The following SGPP2 variants were observed in gnomAD, a reference collection of about 807,000 sequenced individuals.
The protein encoded by SGPP2 is sphingosine-1-phosphate phosphatase 2, also known as sphingosine 1-phosphate phosphohydrolase 2.
A neutral mutation model predicts 33.9 loss-of-function variants in SGPP2; 30 were observed. That is an observed-to-expected ratio of 0.89 (90% CI 0.66 to 1.20). The LOEUF is 1.20. Ranked by LOEUF, SGPP2 falls within the 50% of genes most tolerant of loss-of-function variation. SGPP2 has a pLI of 0.00. For missense variants in SGPP2, 458 were observed against 532.1 expected (o/e 0.86, Z 1.37); for synonymous variants, 233 against 225.0 (o/e 1.04, Z -0.32).
At position 222,495,857 on chromosome 2, in the gene SGPP2, C is replaced by A. The variant is rs150927289; in HGVS notation, c.378+21131C>A. Among the ~76,000 whole-genome samples, 29 of 152,306 alleles carry A rather than the reference C, an allele frequency of 1.9e-4. No homozygotes were observed. The East Asian group carries it at 4.8e-3, about 25-fold the overall frequency. ...AATTAAGTTTCTCTCCATCTATAGA[C>A]CCCTGAACTTTGACCCACCCTTACC... is the stretch of plus-strand genomic sequence containing the variant. On this transcript the variant is annotated intron_variant, in intron 2 of 4. Coordinates refer to ENST00000321276, the MANE Select transcript of SGPP2 (RefSeq NM_152386.4).
At chr2:222,543,994 T>A (rs1689134582) in intron 4 of SGPP2, among the ~76,000 whole-genome samples, 1 of 152,234 alleles carries the variant, frequency 6.6e-6, no homozygotes, top group Non-Finnish European at 1.5e-5. Flanking sequence ...GTCTTTAGTT[T>A]ATCTTATTAA....
At chr2:222,524,883 C>G in intron 3 of SGPP2, 61 bp from the exon 4 acceptor site, 1 of 1,295,996 alleles carries the variant, frequency 7.7e-7, no homozygotes, top group Non-Finnish European at 1.1e-6. Flanking sequence ...CCACCTATGA[C>G]ATCAAATCAT....
At chr2:222,522,722 G>C (rs1698705319) in intron 3 of SGPP2, among the ~76,000 whole-genome samples, 1 of 152,020 alleles carries the variant, frequency 6.6e-6, no homozygotes, top group Admixed American at 6.6e-5. Flanking sequence ...TCTGTTGCTG[G>C]GGCTGGAGTG....
chr2:222,497,424 T>G (rs1375072487), intron 2 of SGPP2, among the ~76,000 whole-genome samples: 1 of 151,986 alleles, frequency 6.6e-6, no homozygotes, highest in South Asian at 2.1e-4. Flanking sequence ...TTTTTGTATT[T>G]TTAGTAGAGA....
At chr2:222,501,224 T>A (rs1407863254) in intron 2 of SGPP2, among the ~76,000 whole-genome samples, 1 of 152,180 alleles carries the variant, frequency 6.6e-6, no homozygotes. Context: ...TAACTGTTCA[T>A]GGGACAGGAG....
intron 1 of SGPP2, among the ~76,000 whole-genome samples, chr2:222,427,177 A>AT (rs1351878113): frequency 2.6e-5 from 4 of 152,112 alleles, no homozygotes; most frequent in South Asian, 2.1e-4. Flanking sequence ...TATGGTCCTT[A>AT]TTTTTTTCTC....
chr2:222,492,414 G>C (rs555508713), intron 2 of SGPP2, among the ~76,000 whole-genome samples: 1 of 152,236 alleles, frequency 6.6e-6, no homozygotes, highest in Non-Finnish European at 1.5e-5. Flanking sequence ...AGCCACCAAG[G>C]CTTGGGGCTT....
chr2:222,544,077 C>T (rs1469048067), intron 4 of SGPP2, among the ~76,000 whole-genome samples: 1 of 152,106 alleles, frequency 6.6e-6, no homozygotes, highest in African/African-American at 2.4e-5. Flanking sequence ...TGCTAAGTGC[C>T]ATTCTAAGTG....
At chr2:222,451,798 A>C (rs1250387066) in intron 1 of SGPP2, among the ~76,000 whole-genome samples, 1 of 152,256 alleles carries the variant, frequency 6.6e-6, no homozygotes, top group African/African-American at 2.4e-5. Flanking sequence ...ATGGTAGCAG[A>C]GATACATGGA....
intron 4 of SGPP2, among the ~76,000 whole-genome samples, chr2:222,551,989 C>T (rs1461142683): frequency 6.6e-6 from 1 of 152,228 alleles, no homozygotes; most frequent in Non-Finnish European, 1.5e-5. Context: ...TGAGTTACTT[C>T]ACTTAGAATA....
At chr2:222,456,728 T>C (rs866080702) in intron 1 of SGPP2, among the ~76,000 whole-genome samples, 1 of 152,196 alleles carries the variant, frequency 6.6e-6, no homozygotes, top group Admixed American at 6.5e-5. Flanking sequence ...TGTCAACACA[T>C]GGGTGACATC....
At chr2:222,511,091 C>T (rs1698520044) in intron 2 of SGPP2, among the ~76,000 whole-genome samples, 1 of 152,134 alleles carries the variant, frequency 6.6e-6, no homozygotes. Context: ...TACACACTGT[C>T]ATTTTTTACT....
intron 4 of SGPP2, among the ~76,000 whole-genome samples, chr2:222,555,597 T>C (rs1689383154): frequency 6.6e-6 from 1 of 151,992 alleles, no homozygotes; most frequent in African/African-American, 2.4e-5. Context: ...GATGTGGATT[T>C]GAGAGGCACA....
intron 2 of SGPP2, among the ~76,000 whole-genome samples, chr2:222,516,479 T>A (rs566288452): frequency 6.6e-6 from 1 of 152,240 alleles, no homozygotes; most frequent in Non-Finnish European, 1.5e-5. Flanking sequence ...AGAGCTGTTA[T>A]GAACATTCAT....
intron 2 of SGPP2, among the ~76,000 whole-genome samples, chr2:222,485,390 T>C (rs1242947763): frequency 6.6e-6 from 1 of 152,132 alleles, no homozygotes; most frequent in Non-Finnish European, 1.5e-5. Context: ...ACAGACTGAG[T>C]GTCCCAGATT....
At chr2:222,484,399 G>A (rs1698073790) in intron 2 of SGPP2, among the ~76,000 whole-genome samples, 1 of 152,146 alleles carries the variant, frequency 6.6e-6, no homozygotes, top group Admixed American at 6.5e-5. Context: ...TTACTGTATC[G>A]TGTGGATGGA....
At chr2:222,488,775 C>A (rs1288990707) in intron 2 of SGPP2, among the ~76,000 whole-genome samples, 1 of 152,128 alleles carries the variant, frequency 6.6e-6, no homozygotes, top group Non-Finnish European at 1.5e-5. Context: ...TGTGTACAAA[C>A]ATAGACACAC....
intron 2 of SGPP2, among the ~76,000 whole-genome samples, chr2:222,500,605 G>A (rs1698353280): frequency 6.6e-6 from 1 of 152,322 alleles, no homozygotes; most frequent in African/African-American, 2.4e-5. Flanking sequence ...GGAAACATAT[G>A]TTGTGTGAAA....
intron 1 of SGPP2, among the ~76,000 whole-genome samples, chr2:222,462,821 T>C (rs1370055192): frequency 6.6e-6 from 1 of 152,068 alleles, no homozygotes; most frequent in Non-Finnish European, 1.5e-5. Flanking sequence ...AAAAAATTGA[T>C]AATCAGATAA....
Sources: gnomAD v4.1 joint callset for allele counts (sites outside exome capture counted in the v4.1 genomes callset) on GRCh38, gnomAD v4.1.1 for gene constraint, MANE v1.5 for transcripts, NCBI Gene and HGNC (gene_info 2026-07-23, HGNC 2026-07-21) for gene names.